PGAP3: variants seen among roughly 807,000 people sequenced by gnomAD.
PGAP3 encodes the protein GPI-specific phospholipase A2-like PGAP3.
Under a neutral mutation model 40.3 loss-of-function variants are expected in PGAP3, and 31 were observed. The ratio of observed to expected loss-of-function variants is 0.77; its 90% CI spans 0.58 to 1.04. The LOEUF is 1.04. PGAP3 is among the 50% of genes least tolerant of loss of function. The probability of loss-of-function intolerance (pLI) is 0.00; values close to 1 mark genes in which losing one functional copy is unlikely to be tolerated. For missense variants in PGAP3, 413 were observed against 423.0 expected, an observed-to-expected ratio of 0.98 and a Z score of 0.21; for synonymous variants, 191 against 184.5, an observed-to-expected ratio of 1.04 and a Z score of -0.29.
At chr17:39,686,591 G>A (rs545122442) in intron 1 of PGAP3, among the ~76,000 whole-genome samples, 10 of 121,476 alleles carry the variant, frequency 8.2e-5, no homozygotes, top group African/African-American at 2.6e-4. Flanking sequence ...ACAGGGTCTC[G>A]CTCTTTCATC....
In PGAP3 at chr17:39,673,711, T is replaced by G; in HGVS notation, c.558-61A>C. 3.1e-6 allele frequency: 5 copies of G among 1,596,040 alleles called. 2 individuals carry two copies. In the South Asian group the frequency reaches 5.6e-5, roughly 18 times the overall value. Reference sequence around the variant, plus strand: ...GGCCCATCCCCAGAGCAGCATTCCCTGAAGCATCTCCTCCCCCCAACATTG... The same window carrying G: ...GGCCCATCCCCAGAGCAGCATTCCCGGAAGCATCTCCTCCCCCCAACATTG... On this transcript the variant is annotated intron_variant, in intron 5 of 7. Transcript: ENST00000300658.
chr17:39,675,043 ACCCCAC>A, intron 3 of PGAP3, among the ~76,000 whole-genome samples: 1 of 75,646 alleles, frequency 1.3e-5, no homozygotes, highest in Non-Finnish European at 3.0e-5. Flanking sequence ...TGACAGCACC[ACCCCAC>A]CCGGGCCCAG....
At chr17:39,680,180 T>C (rs1023106843) in intron 3 of PGAP3, among the ~76,000 whole-genome samples, 1 of 152,174 alleles carries the variant, frequency 6.6e-6, no homozygotes, top group Non-Finnish European at 1.5e-5. Context: ...CGGAGTGGCC[T>C]AGAAGAAGAG....
chr17:39,685,555 G>C (rs1489389439), intron 2 of PGAP3, among the ~76,000 whole-genome samples: 1 of 151,852 alleles, frequency 6.6e-6, no homozygotes, highest in Non-Finnish European at 1.5e-5. Flanking sequence ...TGCCTCGCTA[G>C]ACAAGCTGAA....
chr17:39,672,987 C>G, intron 7 of PGAP3, 64 bp downstream of exon 7: 1 of 1,579,490 alleles, frequency 6.3e-7, no homozygotes, highest in Non-Finnish European at 8.6e-7. Context: ...CCCCCAATCT[C>G]CCCTAAGGAG....
At chr17:39,675,992 G>A (rs986610583) in intron 3 of PGAP3, among the ~76,000 whole-genome samples, 2 of 152,196 alleles carry the variant, frequency 1.3e-5, no homozygotes, top group Non-Finnish European at 1.5e-5. Flanking sequence ...CCAGCCTGGC[G>A]TTAGGTGGTG....
At position 39,687,958 on chromosome 17, in the gene PGAP3, G is replaced by A. The variant is rs1190415940; in HGVS notation, c.57C>T (p.Ser19=). 2.0e-6 allele frequency: 3 copies of A among 1,467,850 alleles called. No homozygotes were observed. Among genetic ancestry groups the A allele is most frequent in the Admixed American group, 2.3e-5 (1 of 44,068 alleles). The allele number at this position is 1,467,850 out of a possible 1,614,324, so 90.9% of individuals were successfully genotyped here. A position where few individuals can be genotyped will look rare whatever the true frequency, so the allele number is the denominator to read the frequency against. Residue 19 remains serine (S), a synonymous_variant, in exon 1 of 8, where the codon AGC becomes AGT. Transcript: ENST00000300658. ...VLLAGAAALA[S]GSQGDREPVY... is the part of the protein sequence containing the mutation. ...CCGGCTCACGGTCGCCCTGGGAGCC[G>A]CTCGCCAGCGCCGCTGCCCCAGCTA...
At chr17:39,684,538 T>C (rs781274885) in intron 3 of PGAP3, 59 bp downstream of exon 3, 48 of 1,527,148 alleles carry the variant, frequency 3.1e-5, no homozygotes, top group Non-Finnish European at 4.2e-5. Flanking sequence ...TTAATAGGGA[T>C]GTAGAGCTCC....
chr17:39,673,935 G>A lies in PGAP3; in HGVS notation c.557+58C>T, dbSNP rs1424515415. On this transcript the variant is annotated intron_variant, in intron 5 of 7. Coordinates refer to ENST00000300658, the MANE Select transcript of PGAP3 (RefSeq NM_033419.5). ...GAAGGCCCCCAGGGGAAGGCTGGGTGACCCCTTTCTGCCCCCAGGGTTCGA... is the reference window on the plus strand; with the variant it reads ...GAAGGCCCCCAGGGGAAGGCTGGGTAACCCCTTTCTGCCCCCAGGGTTCGA... The A allele has an allele frequency of 4.5e-6, 7 of 1,562,492 alleles. No individual in the cohort carries two copies. The Admixed American group carries it at 1.2e-4, about 26-fold the overall frequency.
At chr17:39,686,436 A>T (rs951272956) in intron 1 of PGAP3, among the ~76,000 whole-genome samples, 1 of 151,632 alleles carries the variant, frequency 6.6e-6, no homozygotes, top group African/African-American at 2.4e-5. Context: ...TTGTATTTTT[A>T]GTAGAGATGG....
chr17:39,678,409 C>T (rs950798568), intron 3 of PGAP3, among the ~76,000 whole-genome samples: 4 of 152,196 alleles, frequency 2.6e-5, no homozygotes, highest in African/African-American at 9.7e-5. Flanking sequence ...GCCCCTACTC[C>T]GTGAAGTCAA....
chr17:39,672,964 T>G (rs1340724339), intron 7 of PGAP3, 87 bp downstream of exon 7: 2 of 1,573,618 alleles, frequency 1.3e-6, no homozygotes, highest in Non-Finnish European at 1.7e-6. Context: ...AGGGGGCGGA[T>G]GGGCACACAG....
intron 2 of PGAP3, 195 bp from the exon 3 acceptor site, chr17:39,684,944 A>T (rs937750474): frequency 1.1e-5 from 7 of 632,164 alleles, no homozygotes; most frequent in Admixed American, 3.3e-5. Flanking sequence ...TTATACCCCC[A>T]TCCTGGCCAG....
At chr17:39,686,914 CT>C (rs1407039757) in intron 1 of PGAP3, among the ~76,000 whole-genome samples, 1 of 152,166 alleles carries the variant, frequency 6.6e-6, no homozygotes, top group African/African-American at 2.4e-5. Context: ...TGCTCTTACT[CT>C]CCTGGAAGGA....
chr17:39,687,509 T>G (rs75849983), intron 1 of PGAP3, among the ~76,000 whole-genome samples: 4,932 of 152,328 alleles, frequency 0.032, 114 homozygotes, highest in African/African-American at 0.059. Context: ...CAAATCATTC[T>G]CTGCCTTGCA....
intron 3 of PGAP3, among the ~76,000 whole-genome samples, chr17:39,682,807 G>A (rs918036322): frequency 2.0e-5 from 3 of 152,042 alleles, no homozygotes; most frequent in Non-Finnish European, 4.4e-5. Flanking sequence ...GGCCGAGCAC[G>A]GTGGCTGATG....
rs1362080851 is a variant in PGAP3, at chr17:39,684,595, A to C, written c.432+2T>G. 1 of 1,608,548 alleles carries C rather than the reference A, an allele frequency of 6.2e-7. No individual in the cohort carries two copies. Among genetic ancestry groups the C allele is most frequent in the African/African-American group, 1.3e-5 (1 of 74,636 alleles). Reference sequence around the variant, plus strand: ...CAGCAGGAGTCCTGCTAGGTTACCTACCCAGGCGAAGGCCACACAGGTGTG... The same window carrying C: ...CAGCAGGAGTCCTGCTAGGTTACCTCCCCAGGCGAAGGCCACACAGGTGTG... On this transcript the variant is annotated splice_donor_variant, in intron 3 of 7. Coordinates refer to ENST00000300658, the MANE Select transcript of PGAP3 (RefSeq NM_033419.5). LOFTEE classifies it high-confidence loss of function.
intron 3 of PGAP3, among the ~76,000 whole-genome samples, chr17:39,677,735 G>T (rs1236916997): frequency 6.6e-6 from 1 of 152,224 alleles, no homozygotes; most frequent in Non-Finnish European, 1.5e-5. Flanking sequence ...AGGAGACTGG[G>T]TGGAGGGAGA....
chr17:39,676,062 T>A (rs2934953), intron 3 of PGAP3, among the ~76,000 whole-genome samples: 94,955 of 152,062 alleles, frequency 0.62, 30,456 homozygotes, highest in South Asian at 0.74. Context: ...TCCACCAGAC[T>A]CAAGGCTCTG....
Sources: allele counts gnomAD v4.1 joint callset (sites outside exome capture counted in the v4.1 genomes callset), GRCh38; gene constraint gnomAD v4.1.1; transcripts MANE v1.5; gene names NCBI Gene and HGNC (gene_info 2026-07-23, HGNC 2026-07-21).